The following MAP3K7 variants were observed in gnomAD, a reference collection of about 807,000 sequenced individuals.
MAP3K7 encodes TGF-beta activated kinase 1.
MAP3K7 carries 21 observed loss-of-function variants against 84.8 expected under a neutral mutation model. The observed-to-expected ratio is 0.25, with a 90% CI of 0.18 to 0.36. The LOEUF (loss-of-function observed/expected upper bound fraction) is 0.36, where lower values mean the gene tolerates loss of function less well. MAP3K7 is among the 10% of genes least tolerant of loss of function. The pLI is 1.00. For missense variants in MAP3K7, 503 were observed against 747.7 expected, an observed-to-expected ratio of 0.67 and a Z score of 3.82; for synonymous variants, 241 against 247.7, an observed-to-expected ratio of 0.97 and a Z score of 0.25.
chr6:90,545,484 T>C (rs1368639161), intron 11 of MAP3K7, among the ~76,000 whole-genome samples: 1 of 152,108 alleles, frequency 6.6e-6, no homozygotes. Flanking sequence ...AGACAGCAAT[T>C]AGTATGTGGC....
At chr6:90,563,919 T>C (rs1303662363) in intron 3 of MAP3K7, among the ~76,000 whole-genome samples, 2 of 152,192 alleles carry the variant, frequency 1.3e-5, no homozygotes, top group Non-Finnish European at 2.9e-5. Context: ...ATAGTCAACA[T>C]TCTTAAAGAA....
intron 13 of MAP3K7, among the ~76,000 whole-genome samples, chr6:90,532,331 C>T (rs1232062768): frequency 2.0e-5 from 3 of 152,078 alleles, no homozygotes; most frequent in East Asian, 1.9e-4. Flanking sequence ...ATCAAGAGCC[C>T]GGTGAGGCAC....
rs114966371 is a variant in MAP3K7 at position 90,527,832 on chromosome 6, A to C, written c.1357-4049T>G. On this transcript the variant is annotated intron_variant, in intron 13 of 16. Transcript: ENST00000369329. ...ATATTTCATATATTAAAGCCTTTCAAAGGACACAGAAACTAAAATGGGTTT... is the reference window on the plus strand; with the variant it reads ...ATATTTCATATATTAAAGCCTTTCACAGGACACAGAAACTAAAATGGGTTT... Among the ~76,000 whole-genome samples, 660 of 152,148 alleles carry C rather than the reference A, an allele frequency of 4.3e-3. 8 individuals carry two copies. The highest frequency in any genetic ancestry group is 0.015 in the African/African-American group (638 of 41,498).
At chr6:90,539,207 G>A (rs188212281) in intron 12 of MAP3K7, among the ~76,000 whole-genome samples, 4 of 151,960 alleles carry the variant, frequency 2.6e-5, no homozygotes, top group Admixed American at 6.6e-5. Flanking sequence ...GGAAAGGTCC[G>A]TCAGGTGGTT....
chr6:90,564,380 C>T lies in MAP3K7; in HGVS notation c.298-2713G>A, dbSNP rs1383704003. Reference sequence around the variant, plus strand: ...AATAAAGGGATGGAGGAAGATCTACCAAGCAAATGGAAAACAAAAAAAAGG... The same window carrying T: ...AATAAAGGGATGGAGGAAGATCTACTAAGCAAATGGAAAACAAAAAAAAGG... On this transcript the variant is annotated intron_variant, in intron 3 of 16. Coordinates refer to ENST00000369329, the MANE Select transcript of MAP3K7 (RefSeq NM_145331.3). Among the ~76,000 whole-genome samples the T allele has an allele frequency of 5.3e-5, 8 of 151,994 alleles. No individual in the cohort carries two copies. The East Asian group carries it at 1.5e-3, about 29-fold the overall frequency.
rs142641881 is a variant in MAP3K7 at position 90,562,973 on chromosome 6, G to C, written c.298-1306C>G. 3.2e-3 allele frequency among the ~76,000 whole-genome samples: 481 copies of C among 152,290 alleles called. 5 individuals are homozygous for C. Among genetic ancestry groups the C allele is most frequent in the African/African-American group, 0.011 (458 of 41,558 alleles). ...TACCCAGACAAACACGGTCTGGAGT[G>C]GACCTCCAGCAAACTCCAACAAACC... On this transcript the variant is annotated intron_variant, in intron 3 of 16. Transcript: ENST00000369329.
At chr6:90,557,571 CT>C (rs1776375524) in intron 5 of MAP3K7, among the ~76,000 whole-genome samples, 1 of 152,076 alleles carries the variant, frequency 6.6e-6, no homozygotes, top group African/African-American at 2.4e-5. Context: ...TTCAACAAAG[CT>C]TTTTTCCCGC....
At chr6:90,583,353 G>A (rs1777342193) in intron 1 of MAP3K7, among the ~76,000 whole-genome samples, 1 of 152,156 alleles carries the variant, frequency 6.6e-6, no homozygotes, top group African/African-American at 2.4e-5. Context: ...AAATCCAGTG[G>A]AAAGGGCAAC....
At chr6:90,584,517 CAA>C (rs574895368) in intron 1 of MAP3K7, among the ~76,000 whole-genome samples, 34 of 152,218 alleles carry the variant, frequency 2.2e-4, no homozygotes, top group Admixed American at 1.4e-3. Context: ...CACATACACA[CAA>C]AGATTGAAAC....
At chr6:90,557,681 A>ATCAAGATAATTTCTGATGAT (rs1352574405) in intron 5 of MAP3K7, among the ~76,000 whole-genome samples, 1 of 152,204 alleles carries the variant, frequency 6.6e-6, no homozygotes. Flanking sequence ...TATTCAAGAT[A>ATCAAGATAATTTCTGATGAT]TCAAGATAAT....
Position 90,568,578 on chromosome 6 carries a change from A to C in MAP3K7, c.277T>G (p.Tyr93Asp). Residue 93 changes from tyrosine to aspartate, a missense_variant, in exon 3 of 17, where the codon TAT becomes GAT. By Grantham distance (160) the Tyr-to-Asp change is radical. This residue lies in a region of MAP3K7 where 97 missense variants were observed against 270.8 expected (regional missense o/e 0.36). Transcript: ENST00000369329. ...RVNHPNIVKL[Y>D]GACLNPVCLV... The stretch of plus-strand genomic sequence containing the variant: ...CTTACTGGATTCAAGCAGGCTCCAT[A>C]AAGCTTTACAATATTAGGATGGTTC... 1 of 1,608,958 alleles carries C rather than the reference A, an allele frequency of 6.2e-7. No individual in the cohort carries two copies. Among genetic ancestry groups the C allele is most frequent in the Non-Finnish European group, 8.5e-7 (1 of 1,178,762 alleles).
chr6:90,578,425 C>T (rs934741214), intron 1 of MAP3K7, among the ~76,000 whole-genome samples: 4 of 152,092 alleles, frequency 2.6e-5, no homozygotes, highest in African/African-American at 9.7e-5. Flanking sequence ...CAGGCTTGTG[C>T]CACCACACCC....
intron 15 of MAP3K7, 104 bp from the exon 16 acceptor site, chr6:90,518,666 G>A: frequency 1.5e-6 from 1 of 665,388 alleles, no homozygotes; most frequent in South Asian, 1.7e-5. Flanking sequence ...TAGCACTAAA[G>A]CAATGATCTT....
chr6:90,527,552 C>A (rs185660501), intron 13 of MAP3K7, among the ~76,000 whole-genome samples: 60 of 152,192 alleles, frequency 3.9e-4, no homozygotes, highest in African/African-American at 6.7e-4. Context: ...TAGGTGTGAG[C>A]CCCTGTGCCC....
Position 90,516,686 on chromosome 6 carries a change from A to G in MAP3K7, c.1641-5T>C, listed in dbSNP as rs968072578. 3 of 1,593,426 alleles carry G rather than the reference A, an allele frequency of 1.9e-6. No homozygotes were observed. Among genetic ancestry groups the G allele is most frequent in the Non-Finnish European group, 2.6e-6 (3 of 1,173,320 alleles). ...AGTTCTGCAACTAGTTCTTGCCTAC[A>G]AACAAATACCACATAATATTACACA... On this transcript the variant is annotated splice_polypyrimidine_tract_variant and splice_region_variant and intron_variant, in intron 16 of 16. Transcript: ENST00000369329.
chr6:90,552,175 A>G lies in MAP3K7; in HGVS notation c.741T>C (p.Thr247=). The G allele has an allele frequency of 6.2e-7, 1 of 1,606,410 alleles. No individual in the cohort carries two copies. The highest frequency in any genetic ancestry group is 1.1e-5 in the South Asian group (1 of 90,582). ...GTAAATTTTTTATCAGTGGTGGTCG[A>G]GTACCTACAATTGAAAATGAGAGGA... ...FRIMWAVHNG[T]RPPLIKNLPK... The change falls in exon 8 of 17, where the codon ACT becomes ACC. Residue 247 remains threonine (T), a synonymous_variant. Coordinates refer to ENST00000369329, the MANE Select transcript of MAP3K7 (RefSeq NM_145331.3).
chr6:90,514,195 A>AT lies in MAP3K7; in HGVS notation c.*2305dup, dbSNP rs1774886908. 1 of 152,068 alleles carries AT rather than the reference A, an allele frequency of 6.6e-6. No homozygotes were observed. Among genetic ancestry groups the AT allele is most frequent in the African/African-American group, 2.4e-5 (1 of 41,428 alleles). The allele number at this position is 152,068 out of a possible 1,614,324, so 9.4% of individuals were successfully genotyped here. The stretch of plus-strand genomic sequence containing the variant: ...AAAATAAATTGTAAAACCAGAACGA[A>AT]TAAGTTTGGCTCCTTGTTAACATTT... On this transcript the variant is annotated 3_prime_UTR_variant, in exon 17 of 17. Transcript: ENST00000369329.
At chr6:90,585,610 A>G (rs1002316599) in intron 1 of MAP3K7, among the ~76,000 whole-genome samples, 7 of 152,330 alleles carry the variant, frequency 4.6e-5, no homozygotes, top group Middle Eastern at 3.4e-3. Context: ...ATATATATGC[A>G]GTTTTTACTT....
intron 13 of MAP3K7, among the ~76,000 whole-genome samples, chr6:90,524,724 C>T (rs892651685): frequency 1.3e-5 from 2 of 152,030 alleles, no homozygotes; most frequent in African/African-American, 4.8e-5. Context: ...TAGTGATAAA[C>T]AGGGAAATAA....
Sources: gnomAD v4.1 joint callset for allele counts (sites outside exome capture counted in the v4.1 genomes callset) on GRCh38, gnomAD v4.1.1 for gene constraint, gnomAD v4.1.1 regional missense constraint, MANE v1.5 for transcripts, NCBI Gene and HGNC (gene_info 2026-07-23, HGNC 2026-07-21) for gene names.